The following VAV3 variants were observed in gnomAD, a reference collection of about 807,000 sequenced individuals.
VAV3 encodes guanine nucleotide exchange factor VAV3.
A neutral mutation model predicts 131.2 loss-of-function variants in VAV3; 94 were observed. The ratio of observed to expected loss-of-function variants is 0.72; its 90% CI spans 0.61 to 0.85. The LOEUF (loss-of-function observed/expected upper bound fraction) is 0.85, where lower values mean the gene tolerates loss of function less well. Among genes scored for constraint, VAV3 ranks in the 40% least tolerant of loss-of-function variants. VAV3 has a pLI of 0.00. For synonymous variants in VAV3, 349 were observed against 342.0 expected (o/e 1.02, Z -0.22); for missense variants, 939 against 1,002.7 (o/e 0.94, Z 0.86).
chr1:107,704,630 T>C lies in VAV3; in HGVS notation c.1625A>G (p.Tyr542Cys), dbSNP rs1660334535. 1 of 1,613,594 alleles carries C rather than the reference T, an allele frequency of 6.2e-7. No individual in the cohort carries two copies. Among genetic ancestry groups the C allele is most frequent in the Non-Finnish European group, 8.5e-7 (1 of 1,179,744 alleles). ...TCTCGCTCCACACTTAAAACATAAA[T>C]AGCCTTGATAAAATGTTCCCCTGAA... ...MLLRGTFYQG[Y>C]LCFKCGARAH... The change falls in exon 17 of 27, where the codon TAT (tyrosine) becomes TGT (cysteine). Residue 542 changes from tyrosine (Y) to cysteine (C), a missense_variant. By Grantham distance (194) the Tyr-to-Cys change is radical (BLOSUM62 -2). Coordinates refer to ENST00000370056, the MANE Select transcript of VAV3 (RefSeq NM_006113.5).
intron 1 of VAV3, among the ~76,000 whole-genome samples, chr1:107,956,718 C>T (rs1480462967): frequency 6.6e-6 from 1 of 152,092 alleles, no homozygotes; most frequent in African/African-American, 2.4e-5. Context: ...AATCAGATGA[C>T]TGGATGGCCC....
intron 2 of VAV3, among the ~76,000 whole-genome samples, chr1:107,804,058 TC>T (rs1285228206): frequency 2.0e-5 from 3 of 152,180 alleles, no homozygotes; most frequent in Admixed American, 6.6e-5. Context: ...GTATAATTAT[TC>T]CCCCCATTTT....
intron 1 of VAV3, among the ~76,000 whole-genome samples, chr1:107,945,061 A>G (rs956804783): frequency 2.0e-5 from 3 of 152,288 alleles, no homozygotes; most frequent in Non-Finnish European, 2.9e-5. Flanking sequence ...TCATCATTAA[A>G]TCCTTCTGCT....
At chr1:107,963,972 C>T (rs1229280839) in intron 1 of VAV3, among the ~76,000 whole-genome samples, 1 of 152,228 alleles carries the variant, frequency 6.6e-6, no homozygotes, top group African/African-American at 2.4e-5. Flanking sequence ...CTGAGCAGGG[C>T]ACTGCAGGAA....
chr1:107,951,463 A>T (rs550700733), intron 1 of VAV3, among the ~76,000 whole-genome samples: 1 of 152,218 alleles, frequency 6.6e-6, no homozygotes, highest in African/African-American at 2.4e-5. Context: ...AAAAGCAAAA[A>T]TTGACAAATG....
chr1:107,899,171 C>A (rs1257453913), intron 1 of VAV3, among the ~76,000 whole-genome samples: 4 of 152,132 alleles, frequency 2.6e-5, no homozygotes, highest in Admixed American at 6.5e-5. Flanking sequence ...TGACTTTTTT[C>A]ACAATGCAGT....
chr1:107,720,400 T>TAAAC (rs1661417240), intron 15 of VAV3, among the ~76,000 whole-genome samples: 1 of 109,894 alleles, frequency 9.1e-6, no homozygotes, highest in South Asian at 2.8e-4. Flanking sequence ...AATAAATAAA[T>TAAAC]AAATAAATAA....
At chr1:107,669,015 C>A in intron 19 of VAV3, 2 of 1,046,480 alleles carry the variant, frequency 1.9e-6, no homozygotes, top group Non-Finnish European at 2.3e-6. Context: ...GCTGACTATA[C>A]AGAGAAAAAT....
chr1:107,860,627 A>G (rs1669695064), intron 2 of VAV3, among the ~76,000 whole-genome samples: 1 of 151,630 alleles, frequency 6.6e-6, no homozygotes, highest in Admixed American at 6.6e-5. Flanking sequence ...CTTAACCTTT[A>G]ACTGTGCTGT....
chr1:107,772,147 A>T (rs1665084902), intron 5 of VAV3, among the ~76,000 whole-genome samples: 1 of 152,240 alleles, frequency 6.6e-6, no homozygotes. Context: ...ATTGTAAATG[A>T]GAAAATAATC....
chr1:107,622,643 G>A lies in VAV3; in HGVS notation c.1915-5011C>T, dbSNP rs144577192. Among the ~76,000 whole-genome samples, 146 of 152,270 alleles carry A rather than the reference G, an allele frequency of 9.6e-4. 1 individual carries two copies. The highest frequency in any genetic ancestry group is 3.4e-3 in the African/African-American group (142 of 41,570). ...GACAGATTAATGGTTATTTATGAACGATTGGAAATTCTCCCAAGTTACAAT... is the reference window on the plus strand; with the variant it reads ...GACAGATTAATGGTTATTTATGAACAATTGGAAATTCTCCCAAGTTACAAT... On this transcript the variant is annotated intron_variant, in intron 20 of 26. Coordinates refer to ENST00000370056, the MANE Select transcript of VAV3 (RefSeq NM_006113.5).
chr1:107,646,202 T>C (rs140882402), intron 19 of VAV3, among the ~76,000 whole-genome samples: 144 of 144,842 alleles, frequency 9.9e-4, no homozygotes, highest in African/African-American at 3.7e-3. Flanking sequence ...CTGGCAGTGA[T>C]TAATTGGAAA....
intron 2 of VAV3, among the ~76,000 whole-genome samples, chr1:107,855,967 A>G (rs976980985): frequency 6.6e-6 from 1 of 152,180 alleles, no homozygotes; most frequent in African/African-American, 2.4e-5. Flanking sequence ...CTTCACTACC[A>G]TTGGTGCCCA....
At chr1:107,737,104 G>A (rs1484704318) in intron 15 of VAV3, among the ~76,000 whole-genome samples, 1 of 152,054 alleles carries the variant, frequency 6.6e-6, no homozygotes, top group Admixed American at 6.5e-5. Flanking sequence ...AGAAATGGTG[G>A]AAGGATTCCC....
At chr1:107,918,783 G>A (rs893120239) in intron 1 of VAV3, among the ~76,000 whole-genome samples, 7 of 147,776 alleles carry the variant, frequency 4.7e-5, no homozygotes, top group Admixed American at 2.1e-4. Context: ...TCAGCTCACC[G>A]CAACCTCTGC....
chr1:107,857,578 C>T (rs1310411897), intron 2 of VAV3, among the ~76,000 whole-genome samples: 1 of 152,128 alleles, frequency 6.6e-6, no homozygotes, highest in African/African-American at 2.4e-5. Flanking sequence ...TCCATTTCAA[C>T]TCTTTTCAAT....
chr1:107,905,516 A>G (rs1297195890), intron 1 of VAV3, among the ~76,000 whole-genome samples: 1 of 152,166 alleles, frequency 6.6e-6, no homozygotes, highest in Non-Finnish European at 1.5e-5. Flanking sequence ...AGCCAATGCT[A>G]AAGACCTCTG....
At chr1:107,924,158 G>A (rs140941425) in intron 1 of VAV3, among the ~76,000 whole-genome samples, 11 of 152,094 alleles carry the variant, frequency 7.2e-5, no homozygotes, top group African/African-American at 1.2e-4. Flanking sequence ...CTTCTCTCCC[G>A]TTCCCTATAG....
At chr1:107,826,707 G>C (rs1668030407) in intron 2 of VAV3, among the ~76,000 whole-genome samples, 1 of 152,154 alleles carries the variant, frequency 6.6e-6, no homozygotes. Context: ...TACAGCCAAA[G>C]TGCTCTCACA....
Sources: allele counts gnomAD v4.1 joint callset (sites outside exome capture counted in the v4.1 genomes callset), GRCh38; gene constraint gnomAD v4.1.1; transcripts MANE v1.5; gene names NCBI Gene and HGNC (gene_info 2026-07-23, HGNC 2026-07-21).